The following C2orf66 variants were observed in gnomAD, a reference collection of about 807,000 sequenced individuals.
C2orf66 encodes uncharacterized protein C2orf66.
C2orf66 carries 6 observed loss-of-function variants against 7.0 expected under a neutral mutation model. The ratio of observed to expected loss-of-function variants is 0.86; its 90% CI spans 0.47 to 1.69. The LOEUF (loss-of-function observed/expected upper bound fraction) is 1.69, where lower values mean the gene tolerates loss of function less well. Ranked by LOEUF, C2orf66 falls within the 40% of genes most tolerant of loss-of-function variation. The probability of loss-of-function intolerance (pLI) is 0.01; values close to 1 mark genes in which losing one functional copy is unlikely to be tolerated. For missense variants in C2orf66, 107 were observed against 112.0 expected (o/e 0.96, Z 0.20); for synonymous variants, 38 against 43.8 (o/e 0.87, Z 0.52).
chr2:196,816,686 G>A, the C2orf66 span, among the ~76,000 whole-genome samples: 5 of 152,006 alleles, frequency 3.3e-5, no homozygotes, highest in South Asian at 2.1e-4. Context: ...TGTACCCCCC[G>A]AATCTAAAAT....
At chr2:196,822,851 C>A in the C2orf66 span, among the ~76,000 whole-genome samples, 1 of 152,034 alleles carries the variant, frequency 6.6e-6, no homozygotes, top group Non-Finnish European at 1.5e-5. Flanking sequence ...TAATGTTTTT[C>A]ATTTATCATT....
the C2orf66 span, among the ~76,000 whole-genome samples, chr2:196,822,789 CTGTTT>C: frequency 2.6e-5 from 4 of 152,160 alleles, no homozygotes; most frequent in East Asian, 1.9e-4. Flanking sequence ...TTATTTTGCT[CTGTTT>C]TAACAACAAC....
chr2:196,827,238 CAAAA>C, the C2orf66 span, among the ~76,000 whole-genome samples: 2 of 40,562 alleles, frequency 4.9e-5, no homozygotes, highest in Non-Finnish European at 1.0e-4. Context: ...GATTCTGTCT[CAAAA>C]AAAAAAAAAA....
chr2:196,811,990 G>C (rs1321975444), upstream of C2orf66, among the ~76,000 whole-genome samples: 1 of 152,188 alleles, frequency 6.6e-6, no homozygotes, highest in East Asian at 1.9e-4. Context: ...AACTGTTTTA[G>C]TAGAAAGTCA....
chr2:196,807,501 G>A lies in C2orf66; in HGVS notation c.245C>T (p.Ser82Phe), dbSNP rs1295661564. ...PLSFQSELTA[S>F]ASADYEEQKN... Reference sequence around the variant, plus strand: ...CTGCTCTTCATAATCTGCAGATGCAGAAGCAGTAAGTTCTGACTGGAAAGA... The same window carrying A: ...CTGCTCTTCATAATCTGCAGATGCAAAAGCAGTAAGTTCTGACTGGAAAGA... Residue 82 changes from serine to phenylalanine, a missense_variant, in exon 2 of 3, where the codon TCT becomes TTT. Ser to Phe is a radical substitution (Grantham distance 155). Coordinates refer to ENST00000342506, the MANE Select transcript of C2orf66 (RefSeq NM_213608.3). 3 of 1,613,350 alleles carry A rather than the reference G, an allele frequency of 1.9e-6. No homozygotes were observed. The highest frequency in any genetic ancestry group is 2.2e-5 in the South Asian group (2 of 90,800).
At chr2:196,828,968 A>C in the C2orf66 span, among the ~76,000 whole-genome samples, 8 of 152,210 alleles carry the variant, frequency 5.3e-5, no homozygotes, top group African/African-American at 1.7e-4. Context: ...CTATGCCTAG[A>C]ATTCTGACCT....
At chr2:196,821,540 G>C in the C2orf66 span, among the ~76,000 whole-genome samples, 2 of 152,080 alleles carry the variant, frequency 1.3e-5, no homozygotes, top group South Asian at 4.1e-4. Flanking sequence ...AAATGGATTT[G>C]GATTGAAATA....
the C2orf66 span, among the ~76,000 whole-genome samples, chr2:196,821,545 G>T: frequency 2.6e-3 from 401 of 152,260 alleles, 2 homozygotes; most frequent in African/African-American, 8.8e-3. Flanking sequence ...GATTTGGATT[G>T]AAATATCTAT....
In C2orf66 at chr2:196,804,474, G is replaced by A. The variant is rs1046870323; in HGVS notation, c.*954C>T. 6.6e-6 allele frequency among the ~76,000 whole-genome samples: 1 copy of A among 152,064 alleles called. No individual in the cohort carries two copies. The highest frequency in any genetic ancestry group is 1.5e-5 in the Non-Finnish European group (1 of 68,004). On this transcript the variant is annotated 3_prime_UTR_variant, in exon 3 of 3. Coordinates refer to ENST00000342506, the MANE Select transcript of C2orf66 (RefSeq NM_213608.3). ...CAATATCAATAATCCACCCAAAAAA[G>A]CCACATTAAAATATTTTGAAATGCA...
At chr2:196,829,692 T>G in the C2orf66 span, among the ~76,000 whole-genome samples, 8 of 151,642 alleles carry the variant, frequency 5.3e-5, 1 homozygote, top group South Asian at 1.5e-3. Context: ...GGTCTGGAGA[T>G]AAAGACCATC....
chr2:196,818,063 T>A, the C2orf66 span, among the ~76,000 whole-genome samples: 2 of 152,300 alleles, frequency 1.3e-5, no homozygotes, highest in Admixed American at 1.3e-4. Context: ...GATTAAGAGA[T>A]TAAAGTAAGA....
At chr2:196,811,880 G>C (rs1403551851), upstream of C2orf66, among the ~76,000 whole-genome samples, 1 of 152,194 alleles carries the variant, frequency 6.6e-6, no homozygotes, top group African/African-American at 2.4e-5. Context: ...CTACAAAAGA[G>C]ACCCTGAAGG....
chr2:196,812,464 G>A (rs537380363), upstream of C2orf66, among the ~76,000 whole-genome samples: 9 of 152,164 alleles, frequency 5.9e-5, no homozygotes, highest in East Asian at 1.9e-4. Context: ...TCACAAACCC[G>A]CAGTCAATAA....
chr2:196,815,972 G>GA, the C2orf66 span, among the ~76,000 whole-genome samples: 16 of 152,216 alleles, frequency 1.1e-4, no homozygotes, highest in Non-Finnish European at 2.2e-4. Context: ...AAAAATAAGG[G>GA]AAAGGTTGCT....
the C2orf66 span, among the ~76,000 whole-genome samples, chr2:196,815,000 T>C: frequency 1.6e-4 from 24 of 152,336 alleles, no homozygotes; most frequent in East Asian, 4.4e-3. Flanking sequence ...GGCCGTACTC[T>C]GCCACCCAGG....
the C2orf66 span, among the ~76,000 whole-genome samples, chr2:196,827,806 T>A: frequency 6.6e-6 from 1 of 152,322 alleles, no homozygotes; most frequent in East Asian, 1.9e-4. Context: ...CATGTGTTAA[T>A]ATGAACATAC....
At chr2:196,829,828 C>G in the C2orf66 span, among the ~76,000 whole-genome samples, 2 of 151,476 alleles carry the variant, frequency 1.3e-5, no homozygotes, top group Non-Finnish European at 2.9e-5. Context: ...ACCCGGGAAG[C>G]GGAGCTTTCA....
chr2:196,828,385 T>C, the C2orf66 span, among the ~76,000 whole-genome samples: 20 of 152,138 alleles, frequency 1.3e-4, no homozygotes, highest in Admixed American at 2.0e-4. Flanking sequence ...CATCAGCTCC[T>C]TGAGTTAAAA....
chr2:196,807,650 C>G, intron 1 of C2orf66, 28 bp from the exon 2 acceptor site: 1 of 1,570,416 alleles, frequency 6.4e-7, no homozygotes, highest in Non-Finnish European at 8.7e-7. Context: ...ATGGTCAATG[C>G]CAGATATAAA....
Sources: allele counts gnomAD v4.1 joint callset (sites outside exome capture counted in the v4.1 genomes callset), GRCh38; gene constraint gnomAD v4.1.1; transcripts MANE v1.5; gene names NCBI Gene and HGNC (gene_info 2026-07-23, HGNC 2026-07-21).